Variants in PPFIA3 observed in about 807,000 individuals in gnomAD.
The protein encoded by PPFIA3 is PPFI scaffold protein A3.
Under a neutral mutation model 145.8 loss-of-function variants are expected in PPFIA3, and 26 were observed. The observed-to-expected ratio is 0.18, with a 90% CI of 0.13 to 0.25. The LOEUF (loss-of-function observed/expected upper bound fraction) is 0.25, where lower values mean the gene tolerates loss of function less well. PPFIA3 is among the 10% of genes least tolerant of loss of function. PPFIA3 has a pLI of 1.00. For synonymous variants in PPFIA3, 645 were observed against 661.4 expected (o/e 0.98, Z 0.38); for missense variants, 1,008 against 1,587.8 (o/e 0.63, Z 6.21).
In PPFIA3 at chr19:49,142,031, CA is replaced by C; in HGVS notation, c.2463-2del. On this transcript the variant is annotated splice_acceptor_variant, in intron 19 of 29. Transcript: ENST00000334186. LOFTEE classifies it high-confidence loss of function. ...TTCTATCCTGGCCCCTTCACCCTTA[CA>C]GGCATGAACTCCTGGAGGAGGCCTG... 1 of 1,562,788 alleles carries C rather than the reference CA, an allele frequency of 6.4e-7. No homozygotes were observed. Among genetic ancestry groups the C allele is most frequent in the Non-Finnish European group, 8.7e-7 (1 of 1,152,876 alleles).
Position 49,133,928 on chromosome 19 carries a change from G to A in PPFIA3, c.1245+49G>A. 6.2e-7 allele frequency: 1 copy of A among 1,610,864 alleles called. No homozygotes were observed. The highest frequency in any genetic ancestry group is 1.3e-5 in the African/African-American group (1 of 74,916). ...GAGGGTGGGGCTTCGAGGCTGGGGC[G>A]GAGCTTAATAAGGAGGCTGGGCTGG... On this transcript the variant is annotated intron_variant, in intron 10 of 29. Transcript: ENST00000334186. The surrounding 1 kb of genome is among the most constrained non-coding windows in gnomAD (Gnocchi z 7.2).
intron 21 of PPFIA3, 112 bp downstream of exon 21, chr19:49,143,116 C>A: frequency 7.9e-7 from 1 of 1,260,162 alleles, no homozygotes; most frequent in Non-Finnish European, 1.1e-6. Flanking sequence ...CCCTGCTTCT[C>A]ATTGGCTTTT....
At chr19:49,134,982 T>G in intron 13 of PPFIA3, 67 bp downstream of exon 13, 1 of 1,358,030 alleles carries the variant, frequency 7.4e-7, no homozygotes, top group Non-Finnish European at 1.0e-6. Context: ...AGCTCCTCCC[T>G]TCTGATCCCC....
rs758058109 is a variant in PPFIA3, at chr19:49,141,517, AGT to A, written c.2462+12_2462+13del. 1.8e-5 allele frequency: 29 copies of A among 1,607,890 alleles called. No individual in the cohort carries two copies. Among genetic ancestry groups the A allele is most frequent in the Non-Finnish European group, 2.2e-5 (26 of 1,174,906 alleles). Reference sequence around the variant, plus strand: ...AGGACCGAAGGAACAAGAGGAAGTGAGTGTGTGTGAGTGTGAGCGTGTGTGTG... The same window carrying A: ...AGGACCGAAGGAACAAGAGGAAGTGAGTGTGTGAGTGTGAGCGTGTGTGTG... On this transcript the variant is annotated splice_donor_5th_base_variant and intron_variant, in intron 19 of 29. Transcript: ENST00000334186.
In PPFIA3 at chr19:49,128,401, G is replaced by T. The variant is rs2122546060; in HGVS notation, c.275G>T (p.Cys92Phe). The T allele has an allele frequency of 6.2e-7, 1 of 1,613,774 alleles. No homozygotes were observed. The highest frequency in any genetic ancestry group is 8.5e-7 in the Non-Finnish European group (1 of 1,179,914). ...GCTCTGACGAAGGAGCTGAACTTAT[G>T]TCGGGAGCAGCTGCTGGAGAGGGAG... ...FAALTKELNL[C>F]REQLLEREEE... Residue 92 changes from cysteine to phenylalanine, a missense_variant, in exon 3 of 30, where the codon TGT (cysteine) becomes TTT (phenylalanine). Cys to Phe is a radical substitution (Grantham distance 205). This residue lies in a region of PPFIA3 where 108 missense variants were observed against 144.3 expected (regional missense o/e 0.75). Coordinates refer to ENST00000334186, the MANE Select transcript of PPFIA3 (RefSeq NM_003660.4). This position sits in a 1 kb window ranked among gnomAD's most constrained non-coding sequence, Gnocchi z 4.1.
intron 19 of PPFIA3, 116 bp downstream of exon 19, chr19:49,141,629 A>AGT (rs1261572034): frequency 1.3e-6 from 1 of 769,500 alleles, no homozygotes; most frequent in Non-Finnish European, 2.0e-6. Context: ...AGGGTGTGTG[A>AGT]GTGTGTGTGT....
At position 49,141,762 on chromosome 19, in the gene PPFIA3, TA is replaced by T. The variant is rs535693688; in HGVS notation, c.2462+254del. On this transcript the variant is annotated intron_variant, in intron 19 of 29. Transcript: ENST00000334186. ...AGTTTTTATTTTTTCTTTCTTTTTTTAAAAATTTTTTTTGTATTTTTTACAT... is the reference window on the plus strand; with the variant it reads ...AGTTTTTATTTTTTCTTTCTTTTTTTAAAATTTTTTTTGTATTTTTTACAT... Among the ~76,000 whole-genome samples, 504 of 146,628 alleles carry T rather than the reference TA, an allele frequency of 3.4e-3. 3 individuals are homozygous for T. The highest frequency in any genetic ancestry group is 7.4e-3 in the African/African-American group (291 of 39,264).
At position 49,149,099 on chromosome 19, in the gene PPFIA3, C is replaced by T. The variant is rs750188307; in HGVS notation, c.3216C>T (p.Leu1072=). ...AGAGCGGGGTACACGGGGCACTGCT[C>T]GCCCTGGACGAGACCTTCGACTACT... ...LTESGVHGAL[L]ALDETFDYSD... The change falls in exon 26 of 30, where the codon CTC becomes CTT. Residue 1072 remains leucine, a synonymous_variant. Transcript: ENST00000334186. The surrounding 1 kb of genome is among the most constrained non-coding windows in gnomAD (Gnocchi z 5.7). The T allele has an allele frequency of 1.2e-6, 2 of 1,614,158 alleles. No homozygotes were observed. The highest frequency in any genetic ancestry group is 2.2e-5 in the East Asian group (1 of 44,872).
intron 25 of PPFIA3, 90 bp downstream of exon 25, chr19:49,148,853 C>T (rs900507445): frequency 6.6e-6 from 10 of 1,509,356 alleles, no homozygotes; most frequent in Non-Finnish European, 9.0e-6. Context: ...ACCGGAGAAG[C>T]AAATTGGCAC....
rs115150070 is a variant in PPFIA3, at chr19:49,147,301, C to T, written c.2836-782C>T. 5.4e-3 allele frequency among the ~76,000 whole-genome samples: 818 copies of T among 152,240 alleles called. 7 individuals carry two copies. The highest frequency in any genetic ancestry group is 0.019 in the African/African-American group (775 of 41,530). On this transcript the variant is annotated intron_variant, in intron 23 of 29. Coordinates refer to ENST00000334186, the MANE Select transcript of PPFIA3 (RefSeq NM_003660.4). Reference sequence around the variant, plus strand: ...GTGGGGTGGCACACACCTGTAGTCTCAGCTACTTGGAAGACTGAGGCAGGA... The same window carrying T: ...GTGGGGTGGCACACACCTGTAGTCTTAGCTACTTGGAAGACTGAGGCAGGA...
rs1168499587 is a variant in PPFIA3, at chr19:49,151,019, T to C, written c.*797T>C. 5.8e-6 allele frequency: 2 copies of C among 347,214 alleles called. No individual in the cohort carries two copies. Among genetic ancestry groups the C allele is most frequent in the African/African-American group, 2.2e-5 (1 of 45,598 alleles). 21.5% of individuals were successfully genotyped at this position (347,214 alleles called of 1,614,324 possible). A position where few individuals can be genotyped will look rare whatever the true frequency, so the allele number is the denominator to read the frequency against. On this transcript the variant is annotated 3_prime_UTR_variant, in exon 30 of 30. Coordinates refer to ENST00000334186, the MANE Select transcript of PPFIA3 (RefSeq NM_003660.4). ...AGTGATCACGGGTAAAGAGAACTGT[T>C]TCAAAAAGCTTCCTTGTTGACTGAT...
intron 1 of PPFIA3, 111 bp downstream of exon 1, chr19:49,119,833 G>A (rs1199721496): frequency 2.0e-5 from 3 of 150,980 alleles, no homozygotes; most frequent in Non-Finnish European, 4.4e-5. Flanking sequence ...GGGGACCCCC[G>A]AGCCCAGATT....
chr19:49,129,505 G>T, intron 5 of PPFIA3, 51 bp downstream of exon 5: 1 of 1,541,202 alleles, frequency 6.5e-7, no homozygotes, highest in Middle Eastern at 2.3e-4. Context: ...AGGGGCTAAG[G>T]GGCTGCCCAC....
intron 19 of PPFIA3, 95 bp from the exon 20 acceptor site, chr19:49,141,937 ATG>A (rs113859565): frequency 0.01 from 7,124 of 697,506 alleles, 32 homozygotes; most frequent in Non-Finnish European, 0.013. Flanking sequence ...GCGTATGTGC[ATG>A]TGTGTGTGTG....
chr19:49,145,977 T>A lies in PPFIA3; in HGVS notation c.2780T>A (p.Met927Lys). The A allele has an allele frequency of 6.2e-7, 1 of 1,613,756 alleles. No individual in the cohort carries two copies. Among genetic ancestry groups the A allele is most frequent in the Non-Finnish European group, 8.5e-7 (1 of 1,179,940 alleles). ...AACGTGTGGATGACACACGAGGAGA[T>A]GGAGTCCCTTACGGCCACGACCAAG... ...TGNVWMTHEE[M>K]ESLTATTKPE... Residue 927 changes from methionine to lysine, a missense_variant, in exon 22 of 30, where the codon ATG (methionine) becomes AAG (lysine). By Grantham distance (95) the Met-to-Lys change is moderately conservative. Around this residue, in one of 11 missense-constraint regions of PPFIA3, gnomAD observed 154 missense variants for 369.2 expected, o/e 0.42. Coordinates refer to ENST00000334186, the MANE Select transcript of PPFIA3 (RefSeq NM_003660.4).
Position 49,134,018 on chromosome 19 carries a change from G to T in PPFIA3, c.1246-16G>T, listed in dbSNP as rs200881830. Reference sequence around the variant, plus strand: ...CAGGGTGGGCTTAACAACCCGCCCCGCTCTGCTTTGCGCAGGCCCGGCAGC... The same window carrying T: ...CAGGGTGGGCTTAACAACCCGCCCCTCTCTGCTTTGCGCAGGCCCGGCAGC... On this transcript the variant is annotated splice_polypyrimidine_tract_variant and intron_variant, in intron 10 of 29. Coordinates refer to ENST00000334186, the MANE Select transcript of PPFIA3 (RefSeq NM_003660.4). 3.4e-5 allele frequency: 55 copies of T among 1,609,644 alleles called. No individual in the cohort carries two copies. The South Asian group carries it at 5.7e-4, about 17-fold the overall frequency.
chr19:49,142,267 G>A, intron 20 of PPFIA3, 152 bp downstream of exon 20: 1 of 659,338 alleles, frequency 1.5e-6, no homozygotes, highest in Non-Finnish European at 2.6e-6. Context: ...AGGAGGGCTC[G>A]GGCTTCCTGT....
At chr19:49,141,921 G>A in intron 19 of PPFIA3, 113 bp from the exon 20 acceptor site, 1 of 631,478 alleles carries the variant, frequency 1.6e-6, no homozygotes, top group Non-Finnish European at 2.5e-6. Flanking sequence ...CATAAAAGCT[G>A]CGTGTGCGTA....
In PPFIA3 at chr19:49,130,262, C is replaced by T; in HGVS notation, c.658-116C>T. ...CTTCACTGACCCCCGTGGACTCTGA[C>T]CAGCATGATCCTTATTGATCTTTGA... On this transcript the variant is annotated intron_variant, in intron 6 of 29. Transcript: ENST00000334186. The surrounding 1 kb of genome is among the most constrained non-coding windows in gnomAD (Gnocchi z 4.5). 1 of 1,221,104 alleles carries T rather than the reference C, an allele frequency of 8.2e-7. No homozygotes were observed. Among genetic ancestry groups the T allele is most frequent in the Non-Finnish European group, 1.1e-6 (1 of 881,340 alleles). 75.6% of individuals were successfully genotyped at this position (1,221,104 alleles called of 1,614,324 possible).
Sources: allele counts gnomAD v4.1 joint callset (sites outside exome capture counted in the v4.1 genomes callset), GRCh38; gene constraint gnomAD v4.1.1; regional missense constraint gnomAD v4.1.1; non-coding constraint Gnocchi (gnomAD v3.1); transcripts MANE v1.5; gene names NCBI Gene and HGNC (gene_info 2026-07-23, HGNC 2026-07-21).